Variants in NIPAL3 observed in about 807,000 individuals in gnomAD.
NIPAL3 encodes NIPA like domain containing 3.
In NIPAL3, 41 loss-of-function variants were observed where a neutral mutation model predicts 47.2. That is an observed-to-expected ratio of 0.87 (90% CI 0.68 to 1.13). The LOEUF is 1.13. NIPAL3 is among the 50% of genes most tolerant of loss of function. The probability of loss-of-function intolerance (pLI) is 0.00; values close to 1 mark genes in which losing one functional copy is unlikely to be tolerated. For synonymous variants in NIPAL3, 194 were observed against 209.6 expected, an observed-to-expected ratio of 0.93 and a Z score of 0.64; for missense variants, 449 against 530.1, an observed-to-expected ratio of 0.85 and a Z score of 1.50.
intron 1 of NIPAL3, among the ~76,000 whole-genome samples, chr1:24,419,057 G>A (rs909967675): frequency 6.6e-6 from 1 of 152,042 alleles, no homozygotes; most frequent in African/African-American, 2.4e-5. Flanking sequence ...GAACATTAAG[G>A]GCCAGGGAGA....
chr1:24,438,532 C>T (rs774646589), intron 2 of NIPAL3, among the ~76,000 whole-genome samples: 3 of 152,226 alleles, frequency 2.0e-5, no homozygotes, highest in Non-Finnish European at 4.4e-5. Context: ...CTAAGCCCCG[C>T]GATCTAGGAG....
rs1188782474 is a variant in NIPAL3 at position 24,471,978 on chromosome 1, CT to C, written c.*2794del. On this transcript the variant is annotated 3_prime_UTR_variant, in exon 12 of 12. Coordinates refer to ENST00000374399, the MANE Select transcript of NIPAL3 (RefSeq NM_020448.5). ...CATTAATAATTTGGGCATATATATG[CT>C]CCCAAACTTACTCTGCCCCCTTCCT... The C allele has an allele frequency of 6.7e-6, 1 of 150,186 alleles. No homozygotes were observed. The highest frequency in any genetic ancestry group is 1.5e-5 in the Non-Finnish European group (1 of 67,910). The allele number at this position is 150,186 out of a possible 1,614,324, so 9.3% of individuals were successfully genotyped here.
chr1:24,467,362 C>A (rs1646741708), intron 11 of NIPAL3, among the ~76,000 whole-genome samples: 1 of 151,922 alleles, frequency 6.6e-6, no homozygotes, highest in Middle Eastern at 3.4e-3. Flanking sequence ...CCTAGCTACT[C>A]GGGAGGCTCA....
intron 8 of NIPAL3, chr1:24,457,770 C>G (rs1442325011): frequency 5.6e-6 from 3 of 533,444 alleles, no homozygotes; most frequent in South Asian, 4.2e-5. Flanking sequence ...CTAATGAGAA[C>G]AACAGTCCCT....
intron 11 of NIPAL3, among the ~76,000 whole-genome samples, chr1:24,466,736 T>TGGA (rs2148866531): frequency 1.3e-5 from 2 of 152,330 alleles, no homozygotes; most frequent in East Asian, 3.9e-4. Context: ...GGTCTCTGGC[T>TGGA]GGAGGGCATT....
chr1:24,441,278 T>A (rs956840304), intron 3 of NIPAL3, among the ~76,000 whole-genome samples: 2 of 152,192 alleles, frequency 1.3e-5, no homozygotes, highest in African/African-American at 4.8e-5. Context: ...TGTGTATGTT[T>A]CTGTGTGTCG....
intron 11 of NIPAL3, among the ~76,000 whole-genome samples, chr1:24,468,032 C>T (rs898171978): frequency 2.0e-5 from 3 of 151,572 alleles, no homozygotes; most frequent in African/African-American, 4.9e-5. Context: ...ATCGGCCTGG[C>T]GAAATGGCTC....
intron 2 of NIPAL3, among the ~76,000 whole-genome samples, chr1:24,433,500 T>C (rs1644968812): frequency 1.3e-5 from 2 of 152,232 alleles, no homozygotes; most frequent in African/African-American, 4.8e-5. Context: ...AGTCCTTCCA[T>C]ACTGCCTTTG....
At chr1:24,426,029 C>A (rs574571257) in intron 2 of NIPAL3, among the ~76,000 whole-genome samples, 1 of 152,172 alleles carries the variant, frequency 6.6e-6, no homozygotes, top group Admixed American at 6.5e-5. Context: ...CTGTGCTAAT[C>A]CTCACAAAAG....
chr1:24,447,667 G>T (rs1293680756), intron 5 of NIPAL3, among the ~76,000 whole-genome samples: 1 of 152,226 alleles, frequency 6.6e-6, no homozygotes, highest in East Asian at 1.9e-4. Context: ...GGGCACGGGG[G>T]TTAGGGCTGG....
chr1:24,452,410 C>T (rs1219271801), intron 6 of NIPAL3, among the ~76,000 whole-genome samples: 1 of 152,126 alleles, frequency 6.6e-6, no homozygotes, highest in Non-Finnish European at 1.5e-5. Flanking sequence ...AGTTATTGTG[C>T]TGATTTAGTG....
At chr1:24,456,522 G>T (rs1178793514) in intron 8 of NIPAL3, among the ~76,000 whole-genome samples, 3 of 152,282 alleles carry the variant, frequency 2.0e-5, no homozygotes, top group East Asian at 1.9e-4. Flanking sequence ...AGGCTGAGGT[G>T]GGTGGGTCAC....
chr1:24,419,444 A>C lies in NIPAL3; in HGVS notation c.-104A>C. 1 of 1,382,550 alleles carries C rather than the reference A, an allele frequency of 7.2e-7. No homozygotes were observed. Among genetic ancestry groups the C allele is most frequent in the Non-Finnish European group, 9.4e-7 (1 of 1,063,846 alleles). The allele number at this position is 1,382,550 out of a possible 1,614,324, so 85.6% of individuals were successfully genotyped here. ...GTCATGAGGAAGTGACGGCTGCTGG[A>C]GGGAGGTGAACACCACAAGGAGAGA... On this transcript the variant is annotated 5_prime_UTR_variant, in exon 2 of 12. Transcript: ENST00000374399.
chr1:24,415,856 T>A lies in NIPAL3; in HGVS notation c.-306T>A. 1.0e-6 allele frequency: 1 copy of A among 985,366 alleles called. No individual in the cohort carries two copies. Among genetic ancestry groups the A allele is most frequent in the Non-Finnish European group, 1.2e-6 (1 of 829,954 alleles). 61.0% of individuals were successfully genotyped at this position (985,366 alleles called of 1,614,324 possible). On this transcript the variant is annotated 5_prime_UTR_variant, in exon 1 of 12. Coordinates refer to ENST00000374399, the MANE Select transcript of NIPAL3 (RefSeq NM_020448.5). ...CTCCGGGTTGCACGAAGAGTCCGAG[T>A]CATTTCTCAGAAGGTTTTGATAGGT...
chr1:24,419,578 CT>C lies in NIPAL3; in HGVS notation c.32del (p.Leu11ArgfsTer13). On this transcript the variant is annotated frameshift_variant, in exon 2 of 12. Transcript: ENST00000374399. LOFTEE classifies it high-confidence loss of function. ...CGGATCCCACAGCGCAGCCCTGAAGCTGCAGCAGCTGCCTCCCACAAGTAGC... is the reference window on the plus strand; with the variant it reads ...CGGATCCCACAGCGCAGCCCTGAAGCGCAGCAGCTGCCTCCCACAAGTAGC... Reference protein sequence around the residue: MDGSHSAALKLQQLPPTSSSS... With the variant: MDGSHSAALKXQQLPPTSSSS... 6.2e-7 allele frequency: 1 copy of C among 1,614,046 alleles called. No homozygotes were observed. Among genetic ancestry groups the C allele is most frequent in the Non-Finnish European group, 8.5e-7 (1 of 1,179,950 alleles).
chr1:24,460,613 C>G (rs1646427023), intron 10 of NIPAL3, 69 bp downstream of exon 10: 12 of 1,326,422 alleles, frequency 9.0e-6, no homozygotes, highest in Non-Finnish European at 9.2e-6. Flanking sequence ...GCCCCTCTCT[C>G]TCCCTTATTG....
In NIPAL3 at chr1:24,440,150, C is replaced by T. The variant is rs368681008; in HGVS notation, c.94-22C>T. 10 of 1,548,386 alleles carry T rather than the reference C, an allele frequency of 6.5e-6. No homozygotes were observed. The African/African-American group carries it at 8.2e-5, about 13-fold the overall frequency. Reference sequence around the variant, plus strand: ...CTGGCTTGTGCCCAAATCATGTCCACTCCTGTGAACTTTCCTTACAGGAAA... The same window carrying T: ...CTGGCTTGTGCCCAAATCATGTCCATTCCTGTGAACTTTCCTTACAGGAAA... On this transcript the variant is annotated intron_variant, in intron 2 of 11. Transcript: ENST00000374399.
chr1:24,456,008 C>A, intron 7 of NIPAL3, 130 bp from the exon 8 acceptor site: 1 of 1,099,762 alleles, frequency 9.1e-7, no homozygotes, highest in Non-Finnish European at 1.3e-6. Flanking sequence ...GTGCAAACTG[C>A]CGGCTTGACT....
upstream of NIPAL3, chr1:24,414,066 CAG>C (rs1643898523): frequency 6.6e-6 from 1 of 150,830 alleles, no homozygotes; most frequent in East Asian, 1.9e-4. Flanking sequence ...TTTTTTGAGA[CAG>C]AGTCTCGCTT....
Sources: allele counts gnomAD v4.1 joint callset (sites outside exome capture counted in the v4.1 genomes callset), GRCh38; gene constraint gnomAD v4.1.1; transcripts MANE v1.5; gene names NCBI Gene and HGNC (gene_info 2026-07-23, HGNC 2026-07-21).